SLC36A1: variants seen among roughly 807,000 people sequenced by gnomAD.
SLC36A1 encodes the protein solute carrier family 36 member 1.
Under a neutral mutation model 47.5 loss-of-function variants are expected in SLC36A1, and 30 were observed. The ratio of observed to expected loss-of-function variants is 0.63; its 90% CI spans 0.47 to 0.86. SLC36A1 has a LOEUF of 0.86. SLC36A1 is among the 40% of genes least tolerant of loss of function. SLC36A1 has a pLI of 0.00. For missense variants in SLC36A1, 517 were observed against 606.0 expected, an observed-to-expected ratio of 0.85 and a Z score of 1.54; for synonymous variants, 255 against 249.7, an observed-to-expected ratio of 1.02 and a Z score of -0.20.
the SLC36A1 span, among the ~76,000 whole-genome samples, chr5:151,502,251 G>T: frequency 6.8e-6 from 1 of 147,154 alleles, no homozygotes; most frequent in Non-Finnish European, 1.5e-5. Context: ...GGTAGAGGTT[G>T]CAGTAAGTCG....
At chr5:151,476,383 G>A (rs886531577) in intron 8 of SLC36A1, among the ~76,000 whole-genome samples, 3 of 152,198 alleles carry the variant, frequency 2.0e-5, no homozygotes, top group African/African-American at 4.8e-5. Flanking sequence ...TTACTTTTAG[G>A]ACTTCCTAGC....
chr5:151,501,009 C>T, the SLC36A1 span, among the ~76,000 whole-genome samples: 3 of 152,170 alleles, frequency 2.0e-5, no homozygotes, highest in African/African-American at 7.2e-5. Flanking sequence ...CGTTCCCCAT[C>T]CAGGAGAATG....
chr5:151,386,352 CT>C, the SLC36A1 span, among the ~76,000 whole-genome samples: 1 of 152,182 alleles, frequency 6.6e-6, no homozygotes, highest in Non-Finnish European at 1.5e-5. Context: ...TTAATTTGAA[CT>C]TAGTTTCCTC....
the SLC36A1 span, among the ~76,000 whole-genome samples, chr5:151,518,950 T>C: frequency 3.3e-5 from 5 of 152,220 alleles, no homozygotes; most frequent in East Asian, 7.7e-4. Context: ...CGGTCCAGCC[T>C]CTAGATACCT....
intron 9 of SLC36A1, chr5:151,477,493 C>T (rs904042509): frequency 1.3e-5 from 2 of 152,328 alleles, no homozygotes; most frequent in Non-Finnish European, 2.9e-5. Flanking sequence ...GGGGCTTTCC[C>T]GTTCAAGTAC....
the SLC36A1 span, chr5:151,531,966 G>A: frequency 8.5e-4 from 1,369 of 1,614,100 alleles, 17 homozygotes; most frequent in Non-Finnish European, 1.9e-4. The surrounding 1 kb of genome is among the most constrained non-coding windows in gnomAD (Gnocchi z 5.7). Context: ...CCTGGGCATT[G>A]GCGCCTGGCA....
intron 5 of SLC36A1, among the ~76,000 whole-genome samples, chr5:151,465,650 C>G (rs148393293): frequency 1.9e-3 from 287 of 151,984 alleles, no homozygotes; most frequent in African/African-American, 6.5e-3. Context: ...TGGGAGACAC[C>G]CATAAGAAGA....
rs898559171 is a variant in SLC36A1 at position 151,458,911 on chromosome 5, G to A, written c.119G>A (p.Arg40His). 9 of 1,613,180 alleles carry A rather than the reference G, an allele frequency of 5.6e-6. No homozygotes were observed. Among genetic ancestry groups the A allele is most frequent in the East Asian group, 2.2e-5 (1 of 44,888 alleles). ...CTCTCCTCCCCGGGCTCCTACCAGC[G>A]CTTTGGTCAAAGCAATAGCACAACG... ...NNLSSPGSYQRFGQSNSTTWF... is the reference protein window; with the variant it reads ...NNLSSPGSYQHFGQSNSTTWF... The change falls in exon 2 of 11, where the codon CGC (arginine) becomes CAC (histidine). Residue 40 changes from arginine to histidine, a missense_variant. Arg to His is a conservative substitution (Grantham distance 29). Transcript: ENST00000243389.
chr5:151,394,285 A>G, the SLC36A1 span, among the ~76,000 whole-genome samples: 1 of 152,134 alleles, frequency 6.6e-6, no homozygotes, highest in Non-Finnish European at 1.5e-5. Context: ...TACACTGGTT[A>G]TTCTAGTTAG....
At chr5:151,555,849 T>C in the SLC36A1 span, among the ~76,000 whole-genome samples, 2 of 152,200 alleles carry the variant, frequency 1.3e-5, no homozygotes, top group African/African-American at 4.8e-5. Context: ...CCTGATCTGC[T>C]TCTCTTCTGA....
chr5:151,534,572 C>T, the SLC36A1 span: 18 of 1,613,974 alleles, frequency 1.1e-5, no homozygotes, highest in Middle Eastern at 3.3e-4. Context: ...CACCTCCATC[C>T]GTCGCCTTGG....
At chr5:151,507,560 G>A in the SLC36A1 span, 107 of 1,613,838 alleles carry the variant, frequency 6.6e-5, no homozygotes, top group Non-Finnish European at 8.3e-5. Flanking sequence ...TTTGGATCTC[G>A]GGAGTGACTA....
At chr5:151,513,938 T>G in the SLC36A1 span, among the ~76,000 whole-genome samples, 3 of 152,182 alleles carry the variant, frequency 2.0e-5, no homozygotes, top group Non-Finnish European at 4.4e-5. Flanking sequence ...GTGTAAAAAG[T>G]CCTGAAGTCA....
the SLC36A1 span, among the ~76,000 whole-genome samples, chr5:151,354,088 G>T: frequency 1.3e-5 from 2 of 152,176 alleles, no homozygotes; most frequent in Non-Finnish European, 2.9e-5. Flanking sequence ...TGGATCACTT[G>T]AGGTCAGGAG....
At chr5:151,384,312 G>C in the SLC36A1 span, among the ~76,000 whole-genome samples, 28 of 152,182 alleles carry the variant, frequency 1.8e-4, no homozygotes, top group African/African-American at 6.5e-4. Flanking sequence ...TTAGTTACTT[G>C]CCTGAGAGGT....
the SLC36A1 span, chr5:151,380,515 C>A: frequency 2.0e-6 from 1 of 502,768 alleles, no homozygotes; most frequent in Non-Finnish European, 4.1e-6. Context: ...TGCGGCAGTT[C>A]GTGTGTTGGA....
chr5:151,348,842 T>A, the SLC36A1 span, among the ~76,000 whole-genome samples: 1 of 152,170 alleles, frequency 6.6e-6, no homozygotes, highest in Non-Finnish European at 1.5e-5. Context: ...TTTTGGTTGT[T>A]GTTGTTTGTT....
intron 1 of SLC36A1, among the ~76,000 whole-genome samples, chr5:151,454,710 C>G (rs112913946): frequency 9.3e-6 from 1 of 107,930 alleles, no homozygotes; most frequent in African/African-American, 3.6e-5. Flanking sequence ...CATGTGACAG[C>G]TTTTTTTTTT....
At chr5:151,510,392 C>T in the SLC36A1 span, 43 of 525,660 alleles carry the variant, frequency 8.2e-5, no homozygotes, top group East Asian at 9.3e-4. Flanking sequence ...CCAGAGACAA[C>T]AGTCACCTAA....
Sources: gnomAD v4.1 joint callset for allele counts (sites outside exome capture counted in the v4.1 genomes callset) on GRCh38, gnomAD v4.1.1 for gene constraint, Gnocchi (gnomAD v3.1) non-coding constraint, MANE v1.5 for transcripts, NCBI Gene and HGNC (gene_info 2026-07-23, HGNC 2026-07-21) for gene names.